The following JARID2 variants were observed in gnomAD, a reference collection of about 807,000 sequenced individuals.
The protein encoded by JARID2 is protein Jumonji.
A neutral mutation model predicts 125.6 loss-of-function variants in JARID2; 21 were observed. That is an observed-to-expected ratio of 0.17 (90% CI 0.12 to 0.24). The LOEUF is 0.24. Among genes scored for constraint, JARID2 ranks in the 10% least tolerant of loss-of-function variants. The pLI, the probability that JARID2 is intolerant of heterozygous loss-of-function variation, is 1.00. For synonymous variants in JARID2, 736 were observed against 661.6 expected (o/e 1.11, Z -1.73); for missense variants, 1,303 against 1,639.6 (o/e 0.79, Z 3.55).
intron 8 of JARID2, among the ~76,000 whole-genome samples, chr6:15,502,847 C>T (rs1177989105): frequency 2.6e-5 from 4 of 152,186 alleles, no homozygotes; most frequent in Non-Finnish European, 5.9e-5. Flanking sequence ...TGCAGCCTGC[C>T]AAGTGTGACC....
At chr6:15,509,000 G>T (rs1346225292) in intron 12 of JARID2, 8 of 1,289,280 alleles carry the variant, frequency 6.2e-6, no homozygotes, top group Non-Finnish European at 7.1e-6. Flanking sequence ...ATCTATCGGT[G>T]GCTGTGGGGA....
At chr6:15,396,654 C>T (rs761356719) in intron 2 of JARID2, among the ~76,000 whole-genome samples, 1 of 152,104 alleles carries the variant, frequency 6.6e-6, no homozygotes. Flanking sequence ...CAGGATAGTT[C>T]AAGGTTTCAG....
intron 2 of JARID2, among the ~76,000 whole-genome samples, chr6:15,396,216 A>G (rs1765212589): frequency 6.6e-6 from 1 of 152,230 alleles, no homozygotes; most frequent in South Asian, 2.1e-4. Flanking sequence ...AGCCAACAAT[A>G]TATATTGAAC....
chr6:15,318,533 A>G (rs1762251643), intron 1 of JARID2, among the ~76,000 whole-genome samples: 1 of 152,194 alleles, frequency 6.6e-6, no homozygotes, highest in African/African-American at 2.4e-5. Context: ...CTGCCTTTGC[A>G]GCCCCACAAC....
chr6:15,271,176 C>T (rs1400855375), intron 1 of JARID2, among the ~76,000 whole-genome samples: 2 of 152,074 alleles, frequency 1.3e-5, no homozygotes, highest in African/African-American at 2.4e-5. Context: ...AGATTGTTTT[C>T]TCAGGTGGTA....
chr6:15,403,090 G>C (rs1236153130), intron 2 of JARID2, among the ~76,000 whole-genome samples: 2 of 152,096 alleles, frequency 1.3e-5, no homozygotes, highest in Non-Finnish European at 2.9e-5. Flanking sequence ...GGAAGAGAGT[G>C]GGGAGGATGA....
intron 2 of JARID2, among the ~76,000 whole-genome samples, chr6:15,397,378 C>G (rs1254606916): frequency 5.9e-5 from 9 of 152,154 alleles, no homozygotes; most frequent in African/African-American, 2.2e-4. Flanking sequence ...GCACCATAAC[C>G]TTGTACTCTC....
At chr6:15,472,443 C>A (rs1769122963) in intron 5 of JARID2, among the ~76,000 whole-genome samples, 1 of 152,200 alleles carries the variant, frequency 6.6e-6, no homozygotes. Context: ...AGGCCTTTCT[C>A]ACATCCCTGA....
chr6:15,497,237 C>A, intron 7 of JARID2, 67 bp downstream of exon 7: 2 of 1,196,286 alleles, frequency 1.7e-6, no homozygotes, highest in Non-Finnish European at 2.3e-6. Context: ...GCAGTTCCCT[C>A]ACAGTCTTCA....
intron 1 of JARID2, among the ~76,000 whole-genome samples, chr6:15,325,370 A>C (rs569455678): frequency 1.2e-4 from 18 of 152,252 alleles, no homozygotes; most frequent in South Asian, 4.1e-4. Flanking sequence ...TATTTAATTT[A>C]AAAGAAAATT....
chr6:15,383,304 ATTT>A (rs34764204), intron 2 of JARID2, among the ~76,000 whole-genome samples: 1 of 145,002 alleles, frequency 6.9e-6, no homozygotes. Flanking sequence ...CCAGGTTGGG[ATTT>A]TTTTTTTTTT....
At chr6:15,514,312 G>A (rs1771440599) in intron 16 of JARID2, among the ~76,000 whole-genome samples, 1 of 152,254 alleles carries the variant, frequency 6.6e-6, no homozygotes, top group Non-Finnish European at 1.5e-5. Context: ...CAGAGAGCAT[G>A]CCCGAAGGGC....
chr6:15,391,380 C>T (rs1209309176), intron 2 of JARID2, among the ~76,000 whole-genome samples: 1 of 152,062 alleles, frequency 6.6e-6, no homozygotes, highest in African/African-American at 2.4e-5. Context: ...TCTGAGGAGC[C>T]CTAGCAGAGA....
chr6:15,376,100 C>G (rs961753439), intron 2 of JARID2, among the ~76,000 whole-genome samples: 1 of 152,186 alleles, frequency 6.6e-6, no homozygotes, highest in Non-Finnish European at 1.5e-5. Flanking sequence ...GGAGAAAAAT[C>G]TCAGTTGGCA....
intron 1 of JARID2, among the ~76,000 whole-genome samples, chr6:15,313,146 T>G (rs1157513286): frequency 6.6e-6 from 1 of 152,174 alleles, no homozygotes; most frequent in Non-Finnish European, 1.5e-5. Flanking sequence ...ATTACACCTG[T>G]CCTCTGCTTC....
intron 1 of JARID2, among the ~76,000 whole-genome samples, chr6:15,283,341 ATTT>A (rs58985984): frequency 7.3e-5 from 9 of 123,792 alleles, no homozygotes; most frequent in Admixed American, 2.5e-4. Context: ...TCCTTTAAGT[ATTT>A]TTTTTTTTTT....
chr6:15,367,869 G>A (rs117814694), intron 1 of JARID2, among the ~76,000 whole-genome samples: 1 of 152,182 alleles, frequency 6.6e-6, no homozygotes, highest in Non-Finnish European at 1.5e-5. Context: ...TCGACTCCAA[G>A]TATCATCCTC....
At chr6:15,320,838 TTCTCTCTC>T (rs71535032) in intron 1 of JARID2, among the ~76,000 whole-genome samples, 16 of 144,508 alleles carry the variant, frequency 1.1e-4, no homozygotes, top group South Asian at 4.3e-4. Context: ...ATATGATTCA[TTCTCTCTC>T]TCTCTCTGTG....
intron 1 of JARID2, among the ~76,000 whole-genome samples, chr6:15,373,592 C>T (rs978076867): frequency 3.3e-5 from 5 of 152,306 alleles, no homozygotes; most frequent in South Asian, 4.1e-4. Context: ...GTGGCCAATG[C>T]GGATCCAATT....
Sources: gnomAD v4.1 joint callset for allele counts (sites outside exome capture counted in the v4.1 genomes callset) on GRCh38, gnomAD v4.1.1 for gene constraint, MANE v1.5 for transcripts, NCBI Gene and HGNC (gene_info 2026-07-23, HGNC 2026-07-21) for gene names.